The following PMFBP1 variants were observed in gnomAD, a reference collection of about 807,000 sequenced individuals.
PMFBP1 encodes polyamine modulated factor 1 binding protein 1.
A neutral mutation model predicts 137.8 loss-of-function variants in PMFBP1; 131 were observed. The ratio of observed to expected loss-of-function variants is 0.95; its 90% CI spans 0.82 to 1.10. The LOEUF is 1.10. Ranked by LOEUF, PMFBP1 falls within the 50% of genes least tolerant of loss-of-function variation. The probability of loss-of-function intolerance (pLI) is 0.00; values close to 1 mark genes in which losing one functional copy is unlikely to be tolerated. For synonymous variants in PMFBP1, 490 were observed against 450.4 expected (o/e 1.09, Z -1.11); for missense variants, 1,199 against 1,175.4 (o/e 1.02, Z -0.29).
chr16:72,245,231 T>C, the PMFBP1 span, among the ~76,000 whole-genome samples: 5 of 152,190 alleles, frequency 3.3e-5, no homozygotes, highest in African/African-American at 1.2e-4. Flanking sequence ...AAAACAATTA[T>C]AACTAATATT....
At chr16:72,235,884 C>T in the PMFBP1 span, among the ~76,000 whole-genome samples, 1 of 152,070 alleles carries the variant, frequency 6.6e-6, no homozygotes, top group African/African-American at 2.4e-5. Context: ...GTAAGAGTTG[C>T]TTTTATATGG....
rs1050500335 is a variant in PMFBP1 at position 72,124,697 on chromosome 16, G to A, written c.2589+70C>T. 10 of 1,543,872 alleles carry A rather than the reference G, an allele frequency of 6.5e-6. No individual in the cohort carries two copies. The African/African-American group carries it at 1.2e-4, about 19-fold the overall frequency. ...TCCCACCCCCACCAAGGGCTGTCTG[G>A]CATTTGGGTGGTCATAGGATGTGCC... On this transcript the variant is annotated intron_variant, in intron 17 of 20. Transcript: ENST00000237353.
chr16:72,178,838 T>C (rs554689368), upstream of PMFBP1, among the ~76,000 whole-genome samples: 16 of 152,274 alleles, frequency 1.1e-4, 1 homozygote, highest in African/African-American at 1.9e-4. Flanking sequence ...TGAGTCTCAG[T>C]TTCCCCATTT....
chr16:72,232,601 G>C, the PMFBP1 span, among the ~76,000 whole-genome samples: 1 of 152,146 alleles, frequency 6.6e-6, no homozygotes, highest in African/African-American at 2.4e-5. Flanking sequence ...ACTGTCATGG[G>C]CTGTTTCTCA....
At chr16:72,171,581 C>A in intron 1 of PMFBP1, 1 of 259,470 alleles carries the variant, frequency 3.9e-6, no homozygotes, top group Non-Finnish European at 7.6e-6. Flanking sequence ...TACTCTATGG[C>A]TCAGATATAG....
At chr16:72,215,700 T>G in the PMFBP1 span, among the ~76,000 whole-genome samples, 1 of 152,192 alleles carries the variant, frequency 6.6e-6, no homozygotes, top group Non-Finnish European at 1.5e-5. Flanking sequence ...ACATGTTGGC[T>G]AATTAAGTAA....
chr16:72,192,997 T>C, the PMFBP1 span, among the ~76,000 whole-genome samples: 10 of 151,988 alleles, frequency 6.6e-5, no homozygotes, highest in East Asian at 5.8e-4. Flanking sequence ...GCACGTTATA[T>C]TGAGTGGGAA....
upstream of PMFBP1, among the ~76,000 whole-genome samples, chr16:72,179,657 A>T (rs1027395564): frequency 6.6e-6 from 1 of 152,230 alleles, no homozygotes; most frequent in African/African-American, 2.4e-5. Context: ...GATGTTTTGG[A>T]TCCAAACTGG....
At chr16:72,208,692 G>A in the PMFBP1 span, among the ~76,000 whole-genome samples, 1 of 152,222 alleles carries the variant, frequency 6.6e-6, no homozygotes, top group East Asian at 1.9e-4. Context: ...TGTGTGATTC[G>A]TGGCTTTTCA....
chr16:72,207,739 T>TGTGTGTGTGTGC, the PMFBP1 span, among the ~76,000 whole-genome samples: 2 of 151,754 alleles, frequency 1.3e-5, no homozygotes, highest in Non-Finnish European at 2.9e-5. Context: ...TGTGTGTGTG[T>TGTGTGTGTGTGC]GTGCATATTG....
chr16:72,127,074 G>A (rs2042472060), intron 14 of PMFBP1, among the ~76,000 whole-genome samples: 1 of 152,198 alleles, frequency 6.6e-6, no homozygotes, highest in Non-Finnish European at 1.5e-5. Context: ...GCCAGAGGGA[G>A]ACCTCAGAAA....
chr16:72,189,635 G>C, the PMFBP1 span, among the ~76,000 whole-genome samples: 1 of 152,236 alleles, frequency 6.6e-6, no homozygotes. Context: ...GGAAAACCAA[G>C]CCATTCTTTT....
the PMFBP1 span, among the ~76,000 whole-genome samples, chr16:72,215,470 A>G: frequency 6.6e-6 from 1 of 152,316 alleles, no homozygotes; most frequent in Admixed American, 6.5e-5. Flanking sequence ...ACAACCTTCA[A>G]AATTCTTAGG....
chr16:72,141,162 G>GCTAA (rs2042716226), intron 5 of PMFBP1, among the ~76,000 whole-genome samples: 1 of 151,950 alleles, frequency 6.6e-6, no homozygotes, highest in Admixed American at 6.6e-5. Flanking sequence ...GTCTCAAACT[G>GCTAA]CTAACCTCAG....
At chr16:72,243,589 C>G in the PMFBP1 span, among the ~76,000 whole-genome samples, 4 of 152,196 alleles carry the variant, frequency 2.6e-5, no homozygotes, top group African/African-American at 7.2e-5. Flanking sequence ...ATGTACCCCT[C>G]TTTTTGCCCC....
upstream of PMFBP1, among the ~76,000 whole-genome samples, chr16:72,177,492 T>G (rs1031743614): frequency 6.6e-6 from 1 of 152,228 alleles, no homozygotes; most frequent in Admixed American, 6.5e-5. Flanking sequence ...TGATCTATTC[T>G]GGTGAAAGAA....
chr16:72,168,560 G>A (rs1214827260), intron 2 of PMFBP1, among the ~76,000 whole-genome samples: 5 of 152,164 alleles, frequency 3.3e-5, no homozygotes, highest in Non-Finnish European at 7.4e-5. Flanking sequence ...CATTACTGGG[G>A]CATGAGATGA....
At chr16:72,162,218 T>A (rs2043072492) in intron 3 of PMFBP1, among the ~76,000 whole-genome samples, 1 of 152,212 alleles carries the variant, frequency 6.6e-6, no homozygotes, top group Admixed American at 6.5e-5. Context: ...AGGCACTCAG[T>A]CTCAGGGTGG....
chr16:72,207,235 G>A, the PMFBP1 span, among the ~76,000 whole-genome samples: 104 of 152,298 alleles, frequency 6.8e-4, no homozygotes, highest in African/African-American at 2.4e-3. Context: ...ACATGAGGAG[G>A]AGGCTGGGCT....
Sources: allele counts gnomAD v4.1 joint callset (sites outside exome capture counted in the v4.1 genomes callset), GRCh38; gene constraint gnomAD v4.1.1; transcripts MANE v1.5; gene names NCBI Gene and HGNC (gene_info 2026-07-23, HGNC 2026-07-21).